ABL2: variants seen among roughly 807,000 people sequenced by gnomAD.
ABL2 encodes the protein ABL proto-oncogene 2, non-receptor tyrosine kinase, also known as tyrosine-protein kinase ABL2.
Under a neutral mutation model 107.7 loss-of-function variants are expected in ABL2, and 49 were observed. The ratio of observed to expected loss-of-function variants is 0.45; its 90% CI spans 0.36 to 0.58. The LOEUF (loss-of-function observed/expected upper bound fraction) is 0.58. Ranked by LOEUF, ABL2 falls within the 20% of genes least tolerant of loss-of-function variation. The pLI, the probability that ABL2 is intolerant of heterozygous loss-of-function variation, is 0.00. For missense variants in ABL2, 1,245 were observed against 1,457.0 expected (o/e 0.85, Z 2.37); for synonymous variants, 549 against 548.6 (o/e 1.00, Z -0.01).
At chr1:179,191,568 G>A (rs751242293) in intron 1 of ABL2, among the ~76,000 whole-genome samples, 3 of 151,842 alleles carry the variant, frequency 2.0e-5, no homozygotes, top group Non-Finnish European at 4.4e-5. Context: ...TTACAGGCAT[G>A]TGCCACCATA....
At chr1:179,190,999 G>A (rs1039967036) in intron 1 of ABL2, among the ~76,000 whole-genome samples, 5 of 152,116 alleles carry the variant, frequency 3.3e-5, no homozygotes, top group Non-Finnish European at 5.9e-5. Flanking sequence ...TAGAGGCAGC[G>A]ATCCAGCCAC....
At chr1:179,171,167 G>A (rs1182734824) in intron 1 of ABL2, among the ~76,000 whole-genome samples, 3 of 152,228 alleles carry the variant, frequency 2.0e-5, no homozygotes, top group African/African-American at 7.2e-5. Context: ...GGAGGCTGCA[G>A]TTCTGATATG....
At chr1:179,222,244 T>C (rs1662911919) in intron 1 of ABL2, 1 of 152,396 alleles carries the variant, frequency 6.6e-6, no homozygotes, top group African/African-American at 2.4e-5. Context: ...TTTTTTTTCT[T>C]TTGAGACAGA....
chr1:179,127,478 GTT>G (rs1655840641), intron 3 of ABL2, among the ~76,000 whole-genome samples: 3 of 152,080 alleles, frequency 2.0e-5, no homozygotes, highest in Non-Finnish European at 4.4e-5. Context: ...CAACTTCAAT[GTT>G]CTTAATTTTT....
In ABL2 at chr1:179,108,516, G is replaced by A. The variant is rs1653694370; in HGVS notation, c.2751C>T (p.Ala917=). The A allele has an allele frequency of 3.7e-6, 6 of 1,614,144 alleles. No homozygotes were observed. The highest frequency in any genetic ancestry group is 5.1e-6 in the Non-Finnish European group (6 of 1,180,018). ...DGEQPGWPSP[A]KAAPVLPTTH... is the part of the protein sequence containing the mutation. ...TGGTTGGGAGGACGGGGGCAGCCTT[G>A]GCTGGAGAAGGCCAGCCCGGCTGCT... The change falls in exon 12 of 12, where the codon GCC becomes GCT. Residue 917 remains alanine (A), a synonymous_variant. Transcript: ENST00000502732.
intron 3 of ABL2, among the ~76,000 whole-genome samples, chr1:179,130,220 C>T (rs935949948): frequency 2.0e-5 from 3 of 152,170 alleles, no homozygotes; most frequent in South Asian, 2.1e-4. Context: ...AGATTACAGG[C>T]GTGAGCCACT....
intron 1 of ABL2, among the ~76,000 whole-genome samples, chr1:179,164,627 C>T (rs1360576015): frequency 6.6e-6 from 1 of 152,176 alleles, no homozygotes. Context: ...ACCTCAAGTT[C>T]AGAGCTGACA....
chr1:179,131,261 A>T (rs1412378364), intron 3 of ABL2, 50 bp downstream of exon 3: 3 of 1,582,544 alleles, frequency 1.9e-6, no homozygotes, highest in Admixed American at 1.7e-5. Context: ...TTTATCTCTT[A>T]ATCATTAATG....
Position 179,100,957 on chromosome 1 carries a change from A to G in ABL2, c.*6761T>C, listed in dbSNP as rs548836783. The G allele has an allele frequency of 1.3e-5, 3 of 232,780 alleles. No individual in the cohort carries two copies. The Admixed American group carries it at 1.7e-4, about 13-fold the overall frequency. 14.4% of individuals were successfully genotyped at this position (232,780 alleles called of 1,614,324 possible). On this transcript the variant is annotated 3_prime_UTR_variant, in exon 12 of 12. Transcript: ENST00000502732. ...TACATGGGGATGAAGAAGTAAGTGC[A>G]CTTGGAGGGAAGGGTCCGGCGAGAC...
chr1:179,128,196 G>C (rs1018232343), intron 3 of ABL2, among the ~76,000 whole-genome samples: 6 of 152,026 alleles, frequency 3.9e-5, no homozygotes, highest in African/African-American at 1.4e-4. Context: ...ACATGGATAT[G>C]AGATAATGAG....
At chr1:179,142,157 T>C (rs1657649081) in intron 1 of ABL2, among the ~76,000 whole-genome samples, 1 of 152,234 alleles carries the variant, frequency 6.6e-6, no homozygotes. Flanking sequence ...CAAGTTAACT[T>C]ATCTTCCATT....
intron 8 of ABL2, chr1:179,117,090 G>A (rs1021296288): frequency 4.1e-6 from 2 of 491,996 alleles, no homozygotes; most frequent in African/African-American, 1.9e-5. Context: ...CACCCATCTC[G>A]GCCCAAAGTG....
intron 9 of ABL2, among the ~76,000 whole-genome samples, chr1:179,113,390 C>T (rs12130276): frequency 0.66 from 99,770 of 152,122 alleles, 33,209 homozygotes; most frequent in Middle Eastern, 0.75. Flanking sequence ...CAACTGTATA[C>T]ATTCAGAAAT....
intron 1 of ABL2, among the ~76,000 whole-genome samples, chr1:179,210,719 T>C (rs1662226678): frequency 6.6e-6 from 1 of 151,372 alleles, no homozygotes; most frequent in African/African-American, 2.4e-5. Flanking sequence ...CTGGGCTTAG[T>C]GGCGGGCGCC....
At chr1:179,118,560 G>A in intron 7 of ABL2, 27 bp downstream of exon 7, 2 of 1,593,402 alleles carry the variant, frequency 1.3e-6, no homozygotes, top group Non-Finnish European at 1.7e-6. Context: ...ATGGCTTCAT[G>A]GTTGGTCAGA....
At chr1:179,146,764 G>A (rs937202549) in intron 1 of ABL2, among the ~76,000 whole-genome samples, 1 of 152,128 alleles carries the variant, frequency 6.6e-6, no homozygotes, top group African/African-American at 2.4e-5. Context: ...TGTGAGGAAG[G>A]TGCCTGTTTC....
At chr1:179,140,912 G>A (rs1434463807) in intron 1 of ABL2, among the ~76,000 whole-genome samples, 2 of 152,004 alleles carry the variant, frequency 1.3e-5, no homozygotes, top group African/African-American at 4.8e-5. Context: ...GGGAGGCCGA[G>A]GTGGATCACC....
rs1653174996 is a variant in ABL2, at chr1:179,102,410, A to G, written c.*5308T>C. On this transcript the variant is annotated 3_prime_UTR_variant, in exon 12 of 12. Coordinates refer to ENST00000502732, the MANE Select transcript of ABL2 (RefSeq NM_007314.4). The stretch of plus-strand genomic sequence containing the variant: ...TTGGAGACGTTTCAGAAGTTCTCAC[A>G]TACTCCTACGGATCCCAGACTGAAG... 1 of 219,386 alleles carries G rather than the reference A, an allele frequency of 4.6e-6. No homozygotes were observed. Among genetic ancestry groups the G allele is most frequent in the Non-Finnish European group, 9.1e-6 (1 of 109,290 alleles). The allele number at this position is 219,386 out of a possible 1,614,324, so 13.6% of individuals were successfully genotyped here.
At chr1:179,217,925 C>G (rs973057878) in intron 1 of ABL2, among the ~76,000 whole-genome samples, 7 of 152,130 alleles carry the variant, frequency 4.6e-5, no homozygotes, top group Admixed American at 1.3e-4. Context: ...TAAAAGGTAA[C>G]TAGGCACCAG....
Sources: allele counts gnomAD v4.1 joint callset (sites outside exome capture counted in the v4.1 genomes callset), GRCh38; gene constraint gnomAD v4.1.1; transcripts MANE v1.5; gene names NCBI Gene and HGNC (gene_info 2026-07-23, HGNC 2026-07-21).